The following DTNA variants were observed in gnomAD, a reference collection of about 807,000 sequenced individuals.
DTNA encodes dystrobrevin alpha.
In DTNA, 43 loss-of-function variants were observed where a neutral mutation model predicts 100.7. That is an observed-to-expected ratio of 0.43 (90% CI 0.33 to 0.55). The LOEUF is 0.55. DTNA is among the 20% of genes least tolerant of loss of function. The pLI is 0.04. For missense variants in DTNA, 798 were observed against 953.9 expected (o/e 0.84, Z 2.15); for synonymous variants, 349 against 347.9 (o/e 1.00, Z -0.04).
intron 15 of DTNA, among the ~76,000 whole-genome samples, chr18:34,857,729 G>T (rs2096570320): frequency 6.6e-6 from 1 of 152,068 alleles, no homozygotes; most frequent in South Asian, 2.1e-4. Context: ...AAAAGAGAAA[G>T]AATTTTGTCT....
chr18:34,839,230 T>C (rs1786601), intron 13 of DTNA, among the ~76,000 whole-genome samples: 39,920 of 152,016 alleles, frequency 0.26, 5,404 homozygotes, highest in African/African-American at 0.32. Flanking sequence ...AAAACAATGC[T>C]TCATTTTACT....
intron 1 of DTNA, among the ~76,000 whole-genome samples, chr18:34,649,962 G>C (rs1350712012): frequency 6.6e-6 from 1 of 151,892 alleles, no homozygotes; most frequent in Non-Finnish European, 1.5e-5. Context: ...AATGACATGT[G>C]TTTGCCTTCA....
At chr18:34,737,383 G>A (rs1217872881) in intron 1 of DTNA, among the ~76,000 whole-genome samples, 1 of 152,166 alleles carries the variant, frequency 6.6e-6, no homozygotes, top group East Asian at 1.9e-4. Context: ...TCTAAAGACG[G>A]TCTGGTTCTT....
intron 3 of DTNA, among the ~76,000 whole-genome samples, chr18:34,790,567 ATTTTTTTTTTT>A (rs1212453384): frequency 5.0e-5 from 2 of 39,654 alleles, no homozygotes; most frequent in African/African-American, 1.8e-4. Context: ...ATATATATAT[ATTTTTTTTTTT>A]TTTTTTTTTT....
At chr18:34,706,024 C>T (rs937151143), upstream of DTNA, among the ~76,000 whole-genome samples, 2 of 152,092 alleles carry the variant, frequency 1.3e-5, no homozygotes, top group East Asian at 1.9e-4. Flanking sequence ...CTCAGCTCAC[C>T]GCAACCTCCG....
intron 1 of DTNA, among the ~76,000 whole-genome samples, chr18:34,586,175 T>C (rs2049116353): frequency 6.6e-6 from 1 of 152,220 alleles, no homozygotes; most frequent in East Asian, 1.9e-4. Context: ...TGATAGTAGT[T>C]TGCTTATTTG....
At chr18:34,581,678 T>C (rs2146676535) in intron 1 of DTNA, among the ~76,000 whole-genome samples, 1 of 147,560 alleles carries the variant, frequency 6.8e-6, no homozygotes, top group Admixed American at 6.9e-5. Context: ...TGGCGTGCAG[T>C]GGCATGATCT....
intron 1 of DTNA, among the ~76,000 whole-genome samples, chr18:34,567,115 C>T (rs2047152783): frequency 6.6e-6 from 1 of 152,062 alleles, no homozygotes; most frequent in African/African-American, 2.4e-5. Context: ...TTGATATTCC[C>T]CCACAAAATT....
At chr18:34,769,506 T>C (rs1485320197) in intron 3 of DTNA, among the ~76,000 whole-genome samples, 5 of 152,122 alleles carry the variant, frequency 3.3e-5, no homozygotes, top group Non-Finnish European at 7.4e-5. Context: ...TATTTGTAAG[T>C]GCATTTTTTT....
chr18:34,814,705 A>G (rs2095558700), intron 6 of DTNA, among the ~76,000 whole-genome samples: 1 of 151,476 alleles, frequency 6.6e-6, no homozygotes, highest in African/African-American at 2.4e-5. Context: ...AAGAAAAAAA[A>G]AAGAGAAAAA....
chr18:34,824,438 C>T (rs1243298191), intron 9 of DTNA, among the ~76,000 whole-genome samples: 4 of 151,310 alleles, frequency 2.6e-5, no homozygotes, highest in Non-Finnish European at 4.4e-5. Context: ...ATCGCGCCAC[C>T]GCACTCCAGC....
intron 1 of DTNA, among the ~76,000 whole-genome samples, chr18:34,606,488 G>T (rs2053144433): frequency 6.6e-6 from 1 of 152,094 alleles, no homozygotes; most frequent in Admixed American, 6.6e-5. Flanking sequence ...ATGCATATTG[G>T]AGTAAGACAT....
Position 34,658,308 on chromosome 18 carries a change from C to CAAAA in DTNA, c.-1-97667_-1-97666insAAAA. ...TACAATCTTTCAGTAGCTGTTTAAA[C>CAAAA]AGCCAAATTAGTATCCAAATTTTGC... On this transcript the variant is annotated intron_variant, in intron 1 of 19. Coordinates refer to the DTNA transcript ENST00000283365. Among the ~76,000 whole-genome samples the CAAAA allele has an allele frequency of 1.3e-5, 2 of 152,286 alleles. 1 individual carries two copies. Among genetic ancestry groups the CAAAA allele is most frequent in the Middle Eastern group, 6.8e-3 (2 of 294 alleles).
Position 34,890,503 on chromosome 18 carries a change from GT to G in DTNA, c.*2772del. The G allele has an allele frequency of 6.5e-7, 1 of 1,531,762 alleles. No individual in the cohort carries two copies. The allele number at this position is 1,531,762 out of a possible 1,614,324, so 94.9% of individuals were successfully genotyped here. A position where few individuals can be genotyped will look rare whatever the true frequency, so the allele number is the denominator to read the frequency against. ...GATACAACTACATCTTGCGGGGGTT[GT>G]TTCTTTCTTGTTCCACAATGAATTG... On this transcript the variant is annotated 3_prime_UTR_variant, in exon 23 of 23. Coordinates refer to ENST00000444659, the MANE Select transcript of DTNA (RefSeq NM_001386795.1).
At chr18:34,498,997 C>T (rs2039595180) in intron 1 of DTNA, among the ~76,000 whole-genome samples, 1 of 151,976 alleles carries the variant, frequency 6.6e-6, no homozygotes, top group African/African-American at 2.4e-5. Flanking sequence ...CCCAGGTTTC[C>T]CCAGTGGTAA....
At chr18:34,588,437 G>A (rs548197616) in intron 1 of DTNA, among the ~76,000 whole-genome samples, 3 of 151,952 alleles carry the variant, frequency 2.0e-5, no homozygotes, top group Non-Finnish European at 4.4e-5. Flanking sequence ...CTCTTCTCTC[G>A]TTCTCACCAT....
At chr18:34,658,192 C>A (rs1452359729) in intron 1 of DTNA, among the ~76,000 whole-genome samples, 1 of 152,134 alleles carries the variant, frequency 6.6e-6, no homozygotes, top group Admixed American at 6.6e-5. Flanking sequence ...TACTAGGAAT[C>A]CCTCAACACT....
chr18:34,711,118 A>T (rs2082820236), intron 1 of DTNA, among the ~76,000 whole-genome samples: 1 of 152,160 alleles, frequency 6.6e-6, no homozygotes, highest in African/African-American at 2.4e-5. Flanking sequence ...GTGCAAAATG[A>T]ACTCTTTTGC....
chr18:34,818,423 C>A, intron 8 of DTNA, 93 bp downstream of exon 8: 1 of 1,554,364 alleles, frequency 6.4e-7, no homozygotes, highest in Non-Finnish European at 8.7e-7. Flanking sequence ...AATTAAAGGG[C>A]AAACTTACCT....
Sources: gnomAD v4.1 joint callset for allele counts (sites outside exome capture counted in the v4.1 genomes callset) on GRCh38, gnomAD v4.1.1 for gene constraint, MANE v1.5 for transcripts, NCBI Gene and HGNC (gene_info 2026-07-23, HGNC 2026-07-21) for gene names.